Variants in TRPM6 observed in about 807,000 individuals in gnomAD.
TRPM6 encodes the protein transient receptor potential cation channel subfamily M member 6.
TRPM6 carries 111 observed loss-of-function variants against 247.6 expected under a neutral mutation model. That is an observed-to-expected ratio of 0.45 (90% CI 0.38 to 0.52). TRPM6 has a LOEUF of 0.52. Among genes scored for constraint, TRPM6 ranks in the 20% least tolerant of loss-of-function variants. TRPM6 has a pLI of 0.00. For synonymous variants in TRPM6, 892 were observed against 853.8 expected (o/e 1.04, Z -0.78); for missense variants, 2,126 against 2,421.5 (o/e 0.88, Z 2.56).
At chr9:74,841,985 C>T (rs1829952982) in intron 4 of TRPM6, among the ~76,000 whole-genome samples, 181 bp downstream of exon 4, 1 of 152,000 alleles carries the variant, frequency 6.6e-6, no homozygotes, top group African/African-American at 2.4e-5. Context: ...GTGGCCCATG[C>T]CTGTAGTCCC....
intron 5 of TRPM6, 127 bp from the exon 6 acceptor site, chr9:74,834,249 C>G (rs1428259403): frequency 8.8e-7 from 1 of 1,133,478 alleles, no homozygotes; most frequent in Non-Finnish European, 1.3e-6. Flanking sequence ...GTTGCTGGTA[C>G]AGTGGAATTA....
chr9:74,810,998 C>T lies in TRPM6; in HGVS notation c.1444-130G>A, dbSNP rs868183344. 1.8e-5 allele frequency: 13 copies of T among 711,506 alleles called. No homozygotes were observed. The East Asian group carries it at 3.2e-4, about 18-fold the overall frequency. 44.1% of individuals were successfully genotyped at this position (711,506 alleles called of 1,614,324 possible). The stretch of plus-strand genomic sequence containing the variant: ...GTGTTCAATATTTTTAGTAACAATG[C>T]TTAAGCCAATTAATTCTAAAGAAGG... On this transcript the variant is annotated intron_variant, in intron 12 of 38. Coordinates refer to ENST00000360774, the MANE Select transcript of TRPM6 (RefSeq NM_017662.5).
At chr9:74,731,637 CT>C (rs1276570734) in intron 37 of TRPM6, among the ~76,000 whole-genome samples, 2 of 150,486 alleles carry the variant, frequency 1.3e-5, no homozygotes, top group Non-Finnish European at 1.5e-5. Context: ...TTTATGAGTT[CT>C]TGGGGAGGGA....
At chr9:74,839,942 G>A in intron 5 of TRPM6, 82 bp downstream of exon 5, 1 of 1,038,540 alleles carries the variant, frequency 9.6e-7, no homozygotes, top group Middle Eastern at 2.1e-4. Context: ...GAAAGAGAAA[G>A]GAAAAAAGAA....
rs541684521 is a variant in TRPM6 at position 74,804,060 on chromosome 9, A to G, written c.1639-174T>C. On this transcript the variant is annotated intron_variant, in intron 14 of 38. Coordinates refer to ENST00000360774, the MANE Select transcript of TRPM6 (RefSeq NM_017662.5). ...AATATCCATGCCTCTGTTTCTCTCC[A>G]TGATTAGCACCCAACAAGAGCCTCT... Among the ~76,000 whole-genome samples, 800 of 152,094 alleles carry G rather than the reference A, an allele frequency of 5.3e-3. 6 individuals carry two copies. The highest frequency in any genetic ancestry group is 0.018 in the African/African-American group (766 of 41,468).
At chr9:74,786,695 G>T (rs551355223) in intron 20 of TRPM6, among the ~76,000 whole-genome samples, 2 of 152,060 alleles carry the variant, frequency 1.3e-5, no homozygotes, top group African/African-American at 4.8e-5. Context: ...AGCTGAAATC[G>T]CACCACCGCA....
At chr9:74,886,858 A>G (rs1227732479) in intron 1 of TRPM6, among the ~76,000 whole-genome samples, 1 of 152,246 alleles carries the variant, frequency 6.6e-6, no homozygotes, top group East Asian at 1.9e-4. Context: ...TGCAGCTGGG[A>G]TGCTAATTCA....
chr9:74,774,209 G>T (rs1173624095), intron 24 of TRPM6, among the ~76,000 whole-genome samples: 2 of 152,140 alleles, frequency 1.3e-5, no homozygotes, highest in African/African-American at 4.8e-5. Flanking sequence ...AGTTTTATAT[G>T]AATCATCCTA....
Position 74,820,365 on chromosome 9 carries a change from C to A in TRPM6, c.1073G>T (p.Ser358Ile). Reference sequence around the variant, plus strand: ...GAAAAGGTGCTTGGACTGTTTAAGACTAAAGTTGAAAGTGTTCTGAATCAT... The same window carrying A: ...GAAAAGGTGCTTGGACTGTTTAAGAATAAAGTTGAAAGTGTTCTGAATCAT... ...ICMIQNTFNF[S>I]LKQSKHLFQI... Residue 358 changes from serine (S) to isoleucine (I), a missense_variant, in exon 9 of 39, where the codon AGT (serine) becomes ATT (isoleucine). By Grantham distance (142) the Ser-to-Ile change is moderately radical. Coordinates refer to ENST00000360774, the MANE Select transcript of TRPM6 (RefSeq NM_017662.5). 6.2e-7 allele frequency: 1 copy of A among 1,614,166 alleles called. No homozygotes were observed. The highest frequency in any genetic ancestry group is 8.5e-7 in the Non-Finnish European group (1 of 1,180,018).
At chr9:74,864,371 C>T (rs1231590712) in intron 1 of TRPM6, among the ~76,000 whole-genome samples, 1 of 152,186 alleles carries the variant, frequency 6.6e-6, no homozygotes, top group Non-Finnish European at 1.5e-5. Context: ...GCCAGCCCAT[C>T]CACTTTCAAG....
intron 19 of TRPM6, among the ~76,000 whole-genome samples, chr9:74,789,133 T>C (rs1827801951): frequency 6.6e-6 from 1 of 152,182 alleles, no homozygotes; most frequent in Non-Finnish European, 1.5e-5. Flanking sequence ...GCATGCCAGA[T>C]CCGCAGTGGC....
At chr9:74,887,777 A>C in intron 1 of TRPM6, 47 bp downstream of exon 1, 1 of 1,614,114 alleles carries the variant, frequency 6.2e-7, no homozygotes, top group South Asian at 1.1e-5. Flanking sequence ...GATCTAGCGA[A>C]TCGCCTAAGG....
chr9:74,743,215 G>A (rs1825920030), intron 32 of TRPM6, among the ~76,000 whole-genome samples: 1 of 152,314 alleles, frequency 6.6e-6, no homozygotes, highest in South Asian at 2.1e-4. Context: ...GAAAGACTCA[G>A]TTGTAAGAGC....
In TRPM6 at chr9:74,762,474, T is replaced by C; in HGVS notation, c.4197A>G (p.Ser1399=). The change falls in exon 26 of 39, where the codon TCA becomes TCG. Residue 1399 remains serine, a synonymous_variant. Coordinates refer to ENST00000360774, the MANE Select transcript of TRPM6 (RefSeq NM_017662.5). ...CGTGCTTTTCCTTGGGTTCATCCAC[T>C]GATGCCCAGTCAGAGACAACTGGGG... ...GQTPVVSDWA[S]VDEPKEKHEP... is the part of the protein sequence containing the mutation. The C allele has an allele frequency of 6.2e-7, 1 of 1,614,170 alleles. No individual in the cohort carries two copies. Among genetic ancestry groups the C allele is most frequent in the Non-Finnish European group, 8.5e-7 (1 of 1,180,018 alleles).
chr9:74,887,212 C>G (rs1427064886), intron 1 of TRPM6: 6 of 1,256,862 alleles, frequency 4.8e-6, no homozygotes, highest in Non-Finnish European at 6.0e-6. Flanking sequence ...AAGCGGACTG[C>G]GGCGGGGCGG....
chr9:74,763,235 A>G, intron 25 of TRPM6, 101 bp from the exon 26 acceptor site: 1 of 1,131,342 alleles, frequency 8.8e-7, no homozygotes, highest in Non-Finnish European at 1.3e-6. Context: ...CCTGAGCCTC[A>G]GCTGCTTCCC....
At chr9:74,851,054 A>G (rs139225673) in intron 3 of TRPM6, among the ~76,000 whole-genome samples, 176 of 152,348 alleles carry the variant, frequency 1.2e-3, no homozygotes, top group African/African-American at 4.1e-3. Flanking sequence ...CGTTCAGCTT[A>G]AGTATATTTC....
intron 36 of TRPM6, among the ~76,000 whole-genome samples, chr9:74,735,905 T>A (rs916258991): frequency 2.6e-5 from 4 of 152,158 alleles, no homozygotes; most frequent in African/African-American, 9.7e-5. Flanking sequence ...ACTGAAAGAA[T>A]AAACTGCTCG....
intron 1 of TRPM6, among the ~76,000 whole-genome samples, chr9:74,884,420 C>T (rs1383432185): frequency 4.6e-5 from 7 of 151,986 alleles, no homozygotes; most frequent in East Asian, 3.9e-4. Context: ...ACCCAGCAGG[C>T]GGAGCTTGCA....
Sources: gnomAD v4.1 joint callset for allele counts (sites outside exome capture counted in the v4.1 genomes callset) on GRCh38, gnomAD v4.1.1 for gene constraint, MANE v1.5 for transcripts, NCBI Gene and HGNC (gene_info 2026-07-23, HGNC 2026-07-21) for gene names.